The following PDE8A variants were observed in gnomAD, a reference collection of about 807,000 sequenced individuals.
The protein encoded by PDE8A is high affinity cAMP-specific and IBMX-insensitive 3',5'-cyclic phosphodiesterase 8A.
A neutral mutation model predicts 105.0 loss-of-function variants in PDE8A; 59 were observed. The ratio of observed to expected loss-of-function variants is 0.56; its 90% CI spans 0.46 to 0.70. The LOEUF (loss-of-function observed/expected upper bound fraction) is 0.70. PDE8A is among the 30% of genes least tolerant of loss of function. PDE8A has a pLI of 0.00. For synonymous variants in PDE8A, 355 were observed against 371.9 expected (o/e 0.95, Z 0.52); for missense variants, 1,014 against 1,045.9 (o/e 0.97, Z 0.42).
intron 1 of PDE8A, among the ~76,000 whole-genome samples, chr15:85,058,315 G>A (rs2081094469): frequency 6.6e-6 from 1 of 152,110 alleles, no homozygotes; most frequent in South Asian, 2.1e-4. Context: ...TTGACTCCTG[G>A]CCTCAAACAG....
rs1441608783 is a variant in PDE8A, at chr15:85,100,112, AT to A, written c.994-40del. 4 of 1,612,764 alleles carry A rather than the reference AT, an allele frequency of 2.5e-6. No individual in the cohort carries two copies. The Admixed American group carries it at 5.0e-5, about 20-fold the overall frequency. On this transcript the variant is annotated intron_variant, in intron 10 of 21. Coordinates refer to ENST00000394553, the MANE Select transcript of PDE8A (RefSeq NM_002605.3). ...GGGGCCCCAGGAACACCCCAGCAAG[AT>A]TTTCAGCAATCAGAACTAATGGCTT...
Position 85,091,135 on chromosome 15 carries a change from A to G in PDE8A, c.806A>G (p.Lys269Arg). ...ELGEVPINEKKADLLDTINSC... is the reference protein window; with the variant it reads ...ELGEVPINEKRADLLDTINSC... Reference sequence around the variant, plus strand: ...GGAGAAGTGCCTATAAATGAAAAAAAGGCTGACTTGCTCGATACTATAAAT... The same window carrying G: ...GGAGAAGTGCCTATAAATGAAAAAAGGGCTGACTTGCTCGATACTATAAAT... Residue 269 changes from lysine to arginine, a missense_variant, in exon 8 of 22, where the codon AAG becomes AGG. Physicochemically the swap from Lys to Arg is conservative, Grantham distance 26. Coordinates refer to ENST00000394553, the MANE Select transcript of PDE8A (RefSeq NM_002605.3). 1 of 1,613,516 alleles carries G rather than the reference A, an allele frequency of 6.2e-7. No individual in the cohort carries two copies. Among genetic ancestry groups the G allele is most frequent in the Non-Finnish European group, 8.5e-7 (1 of 1,179,656 alleles).
At chr15:85,039,435 A>C (rs1003325415) in intron 1 of PDE8A, among the ~76,000 whole-genome samples, 1 of 152,262 alleles carries the variant, frequency 6.6e-6, no homozygotes, top group Non-Finnish European at 1.5e-5. Context: ...TCTAAAAAAA[A>C]AAAAAGATGG....
At chr15:85,064,278 GC>G in intron 1 of PDE8A, 91 bp from the exon 2 acceptor site, 2 of 801,424 alleles carry the variant, frequency 2.5e-6, no homozygotes, top group Non-Finnish European at 4.1e-6. Context: ...TAGAAATTTT[GC>G]TTTCATTTTT....
At chr15:85,002,286 A>G (rs1449821181) in intron 1 of PDE8A, among the ~76,000 whole-genome samples, 1 of 152,086 alleles carries the variant, frequency 6.6e-6, no homozygotes, top group Non-Finnish European at 1.5e-5. Flanking sequence ...CCCTCTTGGG[A>G]TTGATGATTT....
At chr15:85,085,698 G>GA (rs2141512969) in intron 6 of PDE8A, among the ~76,000 whole-genome samples, 1 of 146,688 alleles carries the variant, frequency 6.8e-6, no homozygotes, top group Non-Finnish European at 1.5e-5. Flanking sequence ...AACAGACTTG[G>GA]ATATATTTAA....
chr15:85,014,947 C>T (rs1380344637), intron 1 of PDE8A, among the ~76,000 whole-genome samples: 2 of 152,142 alleles, frequency 1.3e-5, no homozygotes, highest in Non-Finnish European at 2.9e-5. Context: ...CGCTACACCC[C>T]CAGCCTCTGG....
At chr15:85,106,492 AT>A (rs1279346032) in intron 11 of PDE8A, among the ~76,000 whole-genome samples, 1 of 152,134 alleles carries the variant, frequency 6.6e-6, no homozygotes, top group African/African-American at 2.4e-5. Flanking sequence ...AGAGAGAAGA[AT>A]GAAGGAACAA....
chr15:85,128,331 C>T (rs750793036), intron 20 of PDE8A, among the ~76,000 whole-genome samples: 3 of 151,904 alleles, frequency 2.0e-5, no homozygotes, highest in Admixed American at 6.6e-5. Flanking sequence ...ATAATGAGAC[C>T]GCATCACTAG....
chr15:84,983,480 G>A (rs1048467451), intron 1 of PDE8A, among the ~76,000 whole-genome samples: 4 of 152,282 alleles, frequency 2.6e-5, no homozygotes, highest in African/African-American at 9.6e-5. Flanking sequence ...CTGTACGAAA[G>A]GGGAAAGTCT....
Position 85,138,963 on chromosome 15 carries a change from G to C in PDE8A, c.*1060G>C, listed in dbSNP as rs534268555. On this transcript the variant is annotated 3_prime_UTR_variant, in exon 22 of 22. Coordinates refer to ENST00000394553, the MANE Select transcript of PDE8A (RefSeq NM_002605.3). ...TTATAACCAACCTGTTTTTATCTAC[G>C]GTGGGAATCTTTGATGCCAGAAATT... The C allele has an allele frequency of 6.6e-6, 1 of 151,766 alleles. No homozygotes were observed. The highest frequency in any genetic ancestry group is 1.5e-5 in the Non-Finnish European group (1 of 67,964). 9.4% of individuals were successfully genotyped at this position (151,766 alleles called of 1,614,324 possible).
At chr15:85,089,252 A>G in intron 6 of PDE8A, 86 bp from the exon 7 acceptor site, 1 of 757,766 alleles carries the variant, frequency 1.3e-6, no homozygotes, top group Non-Finnish European at 2.2e-6. Flanking sequence ...AAATCGGACA[A>G]AAAATACATT....
chr15:85,105,874 A>ACTTCAT (rs1237063767), intron 11 of PDE8A, among the ~76,000 whole-genome samples: 10 of 152,172 alleles, frequency 6.6e-5, no homozygotes, highest in Non-Finnish European at 1.3e-4. Context: ...TAAGCCTCAC[A>ACTTCAT]CTTCATCTTC....
chr15:85,089,338 G>T lies in PDE8A; in HGVS notation c.636G>T (p.Arg212Ser). 6.6e-7 allele frequency: 1 copy of T among 1,526,174 alleles called. No individual in the cohort carries two copies. The highest frequency in any genetic ancestry group is 1.2e-5 in the South Asian group (1 of 85,614). The allele number at this position is 1,526,174 out of a possible 1,614,324, so 94.5% of individuals were successfully genotyped here. The part of the protein sequence containing the change: ...FGEVRSQLKL[R>S]ACNSVFTALE... ...TTCCTTTTTTTGTTTACTCATAAAG[G>T]GCTTGTAACTCAGTATTCACTGCAT... Residue 212 changes from arginine (R) to serine (S), a missense_variant and splice_region_variant, in exon 7 of 22, where the codon AGG (arginine) becomes AGT (serine). Coordinates refer to ENST00000394553, the MANE Select transcript of PDE8A (RefSeq NM_002605.3).
At chr15:85,124,174 C>A (rs1390823164) in intron 19 of PDE8A, among the ~76,000 whole-genome samples, 1 of 152,184 alleles carries the variant, frequency 6.6e-6, no homozygotes, top group African/African-American at 2.4e-5. Context: ...ATAACATTAA[C>A]CCTCTCACCA....
chr15:85,061,006 G>C (rs1475381457), intron 1 of PDE8A, among the ~76,000 whole-genome samples: 1 of 151,660 alleles, frequency 6.6e-6, no homozygotes, highest in African/African-American at 2.4e-5. Flanking sequence ...TAGTTTTTTT[G>C]GTTTGTTTTA....
intron 1 of PDE8A, among the ~76,000 whole-genome samples, chr15:85,041,504 A>G (rs1245607295): frequency 2.6e-5 from 4 of 152,178 alleles, no homozygotes; most frequent in Non-Finnish European, 2.9e-5. Flanking sequence ...GTGCTTTTCA[A>G]AATGTTTATG....
chr15:84,982,228 G>A lies in PDE8A; in HGVS notation c.66G>A (p.Ala22=), dbSNP rs772402715. The A allele has an allele frequency of 2.0e-5, 30 of 1,477,270 alleles. No homozygotes were observed. In the South Asian group the frequency reaches 3.8e-4, roughly 19 times the overall value. The allele number at this position is 1,477,270 out of a possible 1,614,324, so 91.5% of individuals were successfully genotyped here. A position where few individuals can be genotyped will look rare whatever the true frequency, so the allele number is the denominator to read the frequency against. Residue 22 remains alanine, a synonymous_variant, in exon 1 of 22, where the codon GCG becomes GCA. Coordinates refer to ENST00000394553, the MANE Select transcript of PDE8A (RefSeq NM_002605.3). ...TGGCCGAGGACGCGCCTAGCCCCGCGGCACCGCCGCTGTCGTCCGGCGGGC... is the reference window on the plus strand; with the variant it reads ...TGGCCGAGGACGCGCCTAGCCCCGCAGCACCGCCGCTGTCGTCCGGCGGGC... ...RLVAEDAPSP[A]APPLSSGGPR... is the part of the protein sequence containing the mutation.
chr15:85,031,370 A>T (rs2080612050), intron 1 of PDE8A, among the ~76,000 whole-genome samples: 1 of 152,150 alleles, frequency 6.6e-6, no homozygotes, highest in African/African-American at 2.4e-5. Context: ...TGGGATTAGC[A>T]TCATCTGTGT....
Sources: allele counts gnomAD v4.1 joint callset (sites outside exome capture counted in the v4.1 genomes callset), GRCh38; gene constraint gnomAD v4.1.1; transcripts MANE v1.5; gene names NCBI Gene and HGNC (gene_info 2026-07-23, HGNC 2026-07-21).